Variants in DGKB observed in about 807,000 individuals in gnomAD.
DGKB encodes 90 kDa diacylglycerol kinase.
In DGKB, 67 loss-of-function variants were observed where a neutral mutation model predicts 114.3. The observed-to-expected ratio is 0.59, with a 90% CI of 0.48 to 0.72. DGKB has a LOEUF of 0.72. Among genes scored for constraint, DGKB ranks in the 30% least tolerant of loss-of-function variants. The pLI, the probability that DGKB is intolerant of heterozygous loss-of-function variation, is 0.00. For synonymous variants in DGKB, 398 were observed against 323.1 expected (o/e 1.23, Z -2.49); for missense variants, 907 against 975.2 (o/e 0.93, Z 0.93).
chr7:14,777,330 G>A (rs1399251155), intron 2 of DGKB, among the ~76,000 whole-genome samples: 1 of 152,098 alleles, frequency 6.6e-6, no homozygotes, highest in Non-Finnish European at 1.5e-5. Flanking sequence ...GTTGTGTTTT[G>A]AAATGTGAGG....
chr7:14,304,089 T>A (rs62443706), intron 23 of DGKB, among the ~76,000 whole-genome samples: 3,525 of 36,856 alleles, frequency 0.096, 121 homozygotes, highest in African/African-American at 0.2. Context: ...ACACACACAC[T>A]CTCTCTCTCT....
intron 20 of DGKB, among the ~76,000 whole-genome samples, chr7:14,483,892 ATT>A (rs2128917798): frequency 6.6e-6 from 1 of 152,226 alleles, no homozygotes; most frequent in Non-Finnish European, 1.5e-5. Flanking sequence ...GAGCACCTCG[ATT>A]TTAGTCCAAG....
intron 1 of DGKB, among the ~76,000 whole-genome samples, chr7:14,895,833 C>T (rs1487493342): frequency 6.6e-6 from 1 of 151,638 alleles, no homozygotes; most frequent in African/African-American, 2.4e-5. Context: ...CTAGGGAAGG[C>T]AAGACAAGTG....
At chr7:14,721,872 T>A (rs917063868) in intron 5 of DGKB, among the ~76,000 whole-genome samples, 8 of 152,184 alleles carry the variant, frequency 5.3e-5, no homozygotes, top group Admixed American at 1.3e-4. Flanking sequence ...TATTCTTTTT[T>A]AAAAAGTTTG....
chr7:14,523,883 C>G (rs764857572), intron 20 of DGKB, among the ~76,000 whole-genome samples: 1 of 152,092 alleles, frequency 6.6e-6, no homozygotes, highest in Non-Finnish European at 1.5e-5. Flanking sequence ...TTGCTAAACC[C>G]TAGTCATCTT....
intron 5 of DGKB, 127 bp from the exon 6 acceptor site, chr7:14,718,812 A>C: frequency 3.0e-6 from 2 of 676,392 alleles, no homozygotes; most frequent in Non-Finnish European, 4.9e-6. Flanking sequence ...AGAATAACCA[A>C]ATTCTCTGTA....
At chr7:14,967,737 G>C (rs1787243732) in intron 1 of DGKB, among the ~76,000 whole-genome samples, 1 of 143,648 alleles carries the variant, frequency 7.0e-6, no homozygotes, top group Non-Finnish European at 1.5e-5. Flanking sequence ...ATATTTTTCT[G>C]CAAAAATGTA....
At chr7:14,474,610 G>T (rs2128896487) in intron 21 of DGKB, among the ~76,000 whole-genome samples, 1 of 146,420 alleles carries the variant, frequency 6.8e-6, no homozygotes, top group South Asian at 2.3e-4. Context: ...TTTTAATGTT[G>T]CTTATTTTAG....
At chr7:14,515,088 A>C (rs1415072850) in intron 20 of DGKB, among the ~76,000 whole-genome samples, 1 of 152,190 alleles carries the variant, frequency 6.6e-6, no homozygotes, top group African/African-American at 2.4e-5. Flanking sequence ...CAAGATCTCC[A>C]ACTCAGAGCT....
chr7:14,911,895 T>C (rs950487568), intron 1 of DGKB, among the ~76,000 whole-genome samples: 9 of 152,336 alleles, frequency 5.9e-5, no homozygotes, highest in African/African-American at 2.2e-4. Flanking sequence ...GTTAGAATAT[T>C]ATATGTCAAT....
chr7:14,763,086 T>C (rs1259531974), intron 2 of DGKB, among the ~76,000 whole-genome samples: 1 of 152,132 alleles, frequency 6.6e-6, no homozygotes, highest in African/African-American at 2.4e-5. Flanking sequence ...ATATTTACTA[T>C]TCAATATCCA....
At chr7:14,165,349 A>G (rs911848752) in intron 25 of DGKB, among the ~76,000 whole-genome samples, 3 of 152,198 alleles carry the variant, frequency 2.0e-5, no homozygotes, top group Non-Finnish European at 4.4e-5. Flanking sequence ...AGGTTGTACA[A>G]CTTACTAATT....
chr7:14,535,682 T>C (rs990811858), intron 20 of DGKB, among the ~76,000 whole-genome samples: 3 of 151,862 alleles, frequency 2.0e-5, no homozygotes, highest in Admixed American at 6.6e-5. Flanking sequence ...CCGCCTCCCA[T>C]GTTCAAGCAA....
At chr7:14,723,439 T>C (rs1829537860) in intron 5 of DGKB, among the ~76,000 whole-genome samples, 1 of 152,170 alleles carries the variant, frequency 6.6e-6, no homozygotes, top group Non-Finnish European at 1.5e-5. Context: ...GAGCTAAATA[T>C]TGCTTCAGAG....
chr7:14,486,946 A>G (rs990243291), intron 20 of DGKB, among the ~76,000 whole-genome samples: 4 of 152,232 alleles, frequency 2.6e-5, no homozygotes, highest in African/African-American at 9.7e-5. Context: ...ATATTTCATT[A>G]AATCTATAGA....
At chr7:14,538,257 C>A (rs993691775) in intron 20 of DGKB, among the ~76,000 whole-genome samples, 1 of 151,926 alleles carries the variant, frequency 6.6e-6, no homozygotes, top group African/African-American at 2.4e-5. Flanking sequence ...AACTCCTACA[C>A]CTCAATAGCA....
intron 2 of DGKB, among the ~76,000 whole-genome samples, chr7:14,838,903 C>T (rs1847528477): frequency 6.6e-6 from 1 of 152,156 alleles, no homozygotes. Flanking sequence ...CCTCACCTCC[C>T]TTCCTCAAAT....
At chr7:14,271,677 T>C (rs745842723) in intron 23 of DGKB, among the ~76,000 whole-genome samples, 2 of 152,140 alleles carry the variant, frequency 1.3e-5, no homozygotes, top group Non-Finnish European at 2.9e-5. Context: ...CTGAGTGCTC[T>C]GAAAGAGAGC....
At chr7:14,515,585 G>C (rs1788662145) in intron 20 of DGKB, among the ~76,000 whole-genome samples, 1 of 152,220 alleles carries the variant, frequency 6.6e-6, no homozygotes, top group Non-Finnish European at 1.5e-5. Context: ...ATCCAAAAAT[G>C]TATAAATCAA....
Sources: gnomAD v4.1 joint callset for allele counts (sites outside exome capture counted in the v4.1 genomes callset) on GRCh38, gnomAD v4.1.1 for gene constraint, MANE v1.5 for transcripts, NCBI Gene and HGNC (gene_info 2026-07-23, HGNC 2026-07-21) for gene names.